SULF1: variants seen among roughly 807,000 people sequenced by gnomAD.
SULF1 encodes the protein extracellular sulfatase Sulf-1.
A neutral mutation model predicts 110.5 loss-of-function variants in SULF1; 46 were observed. That is an observed-to-expected ratio of 0.42 (90% CI 0.33 to 0.53). The LOEUF (loss-of-function observed/expected upper bound fraction) is 0.53, where lower values mean the gene tolerates loss of function less well. SULF1 is among the 20% of genes least tolerant of loss of function. The pLI is 0.12. For missense variants in SULF1, 941 were observed against 1,094.2 expected, an observed-to-expected ratio of 0.86 and a Z score of 1.98; for synonymous variants, 371 against 387.1, an observed-to-expected ratio of 0.96 and a Z score of 0.49.
At chr8:69,561,567 A>G (rs1815486438) in intron 3 of SULF1, among the ~76,000 whole-genome samples, 1 of 152,170 alleles carries the variant, frequency 6.6e-6, no homozygotes, top group East Asian at 1.9e-4. Flanking sequence ...AGCTTCTTGT[A>G]TTGCTGATTA....
At chr8:69,602,160 A>T (rs893228730) in intron 10 of SULF1, among the ~76,000 whole-genome samples, 1 of 148,082 alleles carries the variant, frequency 6.8e-6, no homozygotes, top group Non-Finnish European at 1.5e-5. Context: ...GCTGTCATTT[A>T]AAAAAAAAAC....
upstream of SULF1, among the ~76,000 whole-genome samples, chr8:69,492,464 G>A (rs1586213307): frequency 6.6e-6 from 1 of 152,158 alleles, no homozygotes; most frequent in South Asian, 2.1e-4. Flanking sequence ...TGTTTACTAA[G>A]CACTTGGTCT....
intron 8 of SULF1, chr8:69,597,635 C>T (rs1807447516): frequency 6.6e-6 from 1 of 152,162 alleles, no homozygotes; most frequent in African/African-American, 2.4e-5. Context: ...CTATGCCAAG[C>T]ACATCAAGGT....
At chr8:69,579,921 C>T (rs1034583422) in intron 6 of SULF1, among the ~76,000 whole-genome samples, 7 of 152,108 alleles carry the variant, frequency 4.6e-5, no homozygotes, top group Admixed American at 1.3e-4. Flanking sequence ...AAAATAATGA[C>T]GGAAACTGAA....
At chr8:69,494,796 C>T (rs1199225548) in intron 1 of SULF1, among the ~76,000 whole-genome samples, 1 of 151,292 alleles carries the variant, frequency 6.6e-6, no homozygotes, top group African/African-American at 2.4e-5. Context: ...AAGAGGATCG[C>T]TTGAGCCTAG....
Position 69,601,755 on chromosome 8 carries a change from G to A in SULF1, c.987G>A (p.Gly329=). 1 of 1,613,378 alleles carries A rather than the reference G, an allele frequency of 6.2e-7. No individual in the cohort carries two copies. Among genetic ancestry groups the A allele is most frequent in the Non-Finnish European group, 8.5e-7 (1 of 1,179,742 alleles). ...TTGGGCAGTTTGGACTGGTCAAGGG[G>A]AAATCCATGCCATATGACTTTGATA... ...YHIGQFGLVK[G]KSMPYDFDIR... is the part of the protein sequence containing the mutation. Residue 329 remains glycine, a synonymous_variant, in exon 10 of 23, where the codon GGG becomes GGA. Coordinates refer to ENST00000402687, the MANE Select transcript of SULF1 (RefSeq NM_001128205.2).
intron 3 of SULF1, among the ~76,000 whole-genome samples, chr8:69,502,289 G>T (rs535905183): frequency 6.6e-6 from 1 of 152,238 alleles, no homozygotes; most frequent in African/African-American, 2.4e-5. Flanking sequence ...GGGAATTAGG[G>T]GGCAGTGTGG....
At chr8:69,500,337 A>T (rs1473839517) in intron 2 of SULF1, among the ~76,000 whole-genome samples, 6 of 152,226 alleles carry the variant, frequency 3.9e-5, no homozygotes, top group Admixed American at 3.9e-4. Flanking sequence ...CATTTGTCAG[A>T]GGAGAATACT....
chr8:69,541,859 G>A (rs2150670412), intron 3 of SULF1, among the ~76,000 whole-genome samples: 1 of 152,302 alleles, frequency 6.6e-6, no homozygotes. Flanking sequence ...AATAAAGATG[G>A]AAATGGTTTA....
At position 69,598,081 on chromosome 8, in the gene SULF1, A is replaced by G. The variant is rs75468481; in HGVS notation, c.735-2522A>G. Among the ~76,000 whole-genome samples, 653 of 149,588 alleles carry G rather than the reference A, an allele frequency of 4.4e-3. 2 individuals carry two copies. Among genetic ancestry groups the G allele is most frequent in the African/African-American group, 0.016 (625 of 40,158 alleles). ...CCCACTTCCCTTATGACTGTGGTTT[A>G]CTTTTAGATATGAAGAACTCTTTCA... On this transcript the variant is annotated intron_variant, in intron 8 of 22. Coordinates refer to ENST00000402687, the MANE Select transcript of SULF1 (RefSeq NM_001128205.2).
intron 3 of SULF1, among the ~76,000 whole-genome samples, chr8:69,561,939 C>CTTTCAGTG (rs1331844008): frequency 3.3e-5 from 5 of 152,222 alleles, no homozygotes; most frequent in African/African-American, 1.2e-4. Context: ...TAATTGCAGG[C>CTTTCAGTG]TTTCAGTGTT....
At chr8:69,504,807 A>G (rs1453275780) in intron 3 of SULF1, among the ~76,000 whole-genome samples, 1 of 151,924 alleles carries the variant, frequency 6.6e-6, no homozygotes, top group African/African-American at 2.4e-5. Context: ...TCCCACCACT[A>G]CCTCTGTATT....
In SULF1 at chr8:69,605,744, T is replaced by A. The variant is rs1808176526; in HGVS notation, c.1377+812T>A. ...CAAATCATTGCAGCTGAGAACAAAA[T>A]CAGAGGAAAGTGAAAAATACTAACA... On this transcript the variant is annotated intron_variant, in intron 13 of 22. Transcript: ENST00000402687. 3.9e-5 allele frequency among the ~76,000 whole-genome samples: 6 copies of A among 152,278 alleles called. No homozygotes were observed. In the South Asian group the frequency reaches 1.2e-3, roughly 32 times the overall value.
intron 13 of SULF1, among the ~76,000 whole-genome samples, chr8:69,613,985 G>A (rs2130493050): frequency 6.6e-6 from 1 of 151,962 alleles, no homozygotes; most frequent in African/African-American, 2.4e-5. Flanking sequence ...ATAAAATTAA[G>A]GTCTTTGAAT....
intron 8 of SULF1, among the ~76,000 whole-genome samples, chr8:69,589,558 C>A (rs944719376): frequency 1.3e-5 from 2 of 152,164 alleles, no homozygotes; most frequent in Non-Finnish European, 2.9e-5. Context: ...ATTTTCCAGG[C>A]GAATACCGTA....
At position 69,551,970 on chromosome 8, in the gene SULF1, T is replaced by C. The variant is rs558268188; in HGVS notation, c.-133-11569T>C. Among the ~76,000 whole-genome samples the C allele has an allele frequency of 4.5e-3, 687 of 152,254 alleles. 1 individual carries two copies. Among genetic ancestry groups the C allele is most frequent in the Non-Finnish European group, 7.1e-3 (483 of 68,026 alleles). On this transcript the variant is annotated intron_variant, in intron 3 of 22. Coordinates refer to ENST00000402687, the MANE Select transcript of SULF1 (RefSeq NM_001128205.2). ...AACTGGACATGGTGGTGCACACCTG[T>C]AATCCCAGCTACTCAGAAGGCTGAG...
chr8:69,629,786 A>G (rs528806000), intron 19 of SULF1, 107 bp downstream of exon 19: 2 of 1,033,566 alleles, frequency 1.9e-6, no homozygotes, highest in African/African-American at 1.6e-5. Context: ...AAGATTCAAG[A>G]GAAAGGCATC....
intron 13 of SULF1, among the ~76,000 whole-genome samples, chr8:69,617,022 T>G (rs1377139055): frequency 1.3e-5 from 2 of 152,108 alleles, no homozygotes; most frequent in African/African-American, 2.4e-5. Context: ...TCCAGGTAGA[T>G]GGATAAGCCT....
At chr8:69,528,243 T>C (rs1452676932) in intron 3 of SULF1, among the ~76,000 whole-genome samples, 1 of 152,094 alleles carries the variant, frequency 6.6e-6, no homozygotes, top group Non-Finnish European at 1.5e-5. Context: ...TGAATTCAAA[T>C]AGAACGGTAG....
Sources: gnomAD v4.1 joint callset for allele counts (sites outside exome capture counted in the v4.1 genomes callset) on GRCh38, gnomAD v4.1.1 for gene constraint, MANE v1.5 for transcripts, NCBI Gene and HGNC (gene_info 2026-07-23, HGNC 2026-07-21) for gene names.